Variants in SLC28A3 observed in about 807,000 individuals in gnomAD.
The protein encoded by SLC28A3 is solute carrier family 28 member 3, also known as concentrative Na(+)-nucleoside cotransporter 3.
Under a neutral mutation model 84.2 loss-of-function variants are expected in SLC28A3, and 68 were observed. The ratio of observed to expected loss-of-function variants is 0.81; its 90% CI spans 0.66 to 0.99. The LOEUF (loss-of-function observed/expected upper bound fraction) is 0.99. Ranked by LOEUF, SLC28A3 falls within the 50% of genes least tolerant of loss-of-function variation. The probability of loss-of-function intolerance (pLI) is 0.00; values close to 1 mark genes in which losing one functional copy is unlikely to be tolerated. For missense variants in SLC28A3, 712 were observed against 841.5 expected (o/e 0.85, Z 1.90); for synonymous variants, 267 against 303.6 (o/e 0.88, Z 1.25).
chr9:84,328,406 G>C (rs182544633), intron 1 of SLC28A3, among the ~76,000 whole-genome samples: 83 of 151,868 alleles, frequency 5.5e-4, no homozygotes, highest in African/African-American at 2.0e-3. Flanking sequence ...GGAGACCACA[G>C]TGGGCAAATT....
At chr9:84,357,773 C>A in the SLC28A3 span, among the ~76,000 whole-genome samples, 1 of 152,170 alleles carries the variant, frequency 6.6e-6, no homozygotes, top group Non-Finnish European at 1.5e-5. Flanking sequence ...GAACACCGAG[C>A]TGTGGGTCAC....
At position 84,285,535 on chromosome 9, in the gene SLC28A3, C is replaced by A; in HGVS notation, c.1457G>T (p.Cys486Phe). 1 of 1,614,120 alleles carries A rather than the reference C, an allele frequency of 6.2e-7. No individual in the cohort carries two copies. Among genetic ancestry groups the A allele is most frequent in the Non-Finnish European group, 8.5e-7 (1 of 1,179,996 alleles). Residue 486 changes from cysteine to phenylalanine, a missense_variant, in exon 14 of 18, where the codon TGC (cysteine) becomes TTC (phenylalanine). Cys to Phe is a radical substitution (Grantham distance 205). Coordinates refer to ENST00000376238, the MANE Select transcript of SLC28A3 (RefSeq NM_001199633.2). ...DYPQLSFELI[C>F]SYIFMPFSFM... ...GGAAAAGGGCATGAAGATGTAGGAG[C>A]AGATTAGCTACAGAAACCAAAAGTA...
intron 1 of SLC28A3, among the ~76,000 whole-genome samples, chr9:84,317,589 G>A (rs1481056087): frequency 6.6e-6 from 1 of 152,100 alleles, no homozygotes; most frequent in Non-Finnish European, 1.5e-5. Flanking sequence ...CTTGTGGTGG[G>A]GGTTTTTCTG....
intron 14 of SLC28A3, among the ~76,000 whole-genome samples, chr9:84,283,761 G>C (rs1167872272): frequency 6.6e-6 from 1 of 152,240 alleles, no homozygotes; most frequent in Non-Finnish European, 1.5e-5. Flanking sequence ...GCATAATTCA[G>C]TGGATATCAC....
intron 9 of SLC28A3, among the ~76,000 whole-genome samples, chr9:84,293,283 T>C (rs1397162957): frequency 2.6e-5 from 4 of 152,246 alleles, no homozygotes; most frequent in Admixed American, 6.5e-5. Flanking sequence ...GGTTCCACTT[T>C]TGTACTGGCC....
chr9:84,279,644 G>C (rs1484721026), intron 16 of SLC28A3, among the ~76,000 whole-genome samples: 1 of 152,158 alleles, frequency 6.6e-6, no homozygotes, highest in Non-Finnish European at 1.5e-5. Flanking sequence ...ACGTTGGTCA[G>C]GCTGGTCTCA....
intron 15 of SLC28A3, 46 bp from the exon 16 acceptor site, chr9:84,280,119 G>C: frequency 6.4e-7 from 1 of 1,564,254 alleles, no homozygotes; most frequent in Non-Finnish European, 8.7e-7. Flanking sequence ...TTGAAGTACT[G>C]ATTAAAACTC....
chr9:84,355,652 G>T, the SLC28A3 span, among the ~76,000 whole-genome samples: 10 of 152,042 alleles, frequency 6.6e-5, no homozygotes, highest in African/African-American at 2.4e-4. Flanking sequence ...TCTAGATTGG[G>T]AACTTGAGCA....
chr9:84,331,281 G>A (rs973522459), intron 1 of SLC28A3, among the ~76,000 whole-genome samples: 3 of 152,132 alleles, frequency 2.0e-5, no homozygotes, highest in African/African-American at 7.2e-5. Context: ...CCAGCCGAGC[G>A]CCTCTTGAGC....
chr9:84,280,119 G>A (rs1824686943), intron 15 of SLC28A3, 46 bp from the exon 16 acceptor site: 1 of 1,564,150 alleles, frequency 6.4e-7, no homozygotes, highest in African/African-American at 1.4e-5. Flanking sequence ...TTGAAGTACT[G>A]ATTAAAACTC....
the SLC28A3 span, among the ~76,000 whole-genome samples, chr9:84,361,069 G>A: frequency 1.2e-3 from 190 of 152,228 alleles, no homozygotes; most frequent in Non-Finnish European, 2.4e-3. Context: ...ATGCAGGCCG[G>A]GTGCGGTGGC....
upstream of SLC28A3, among the ~76,000 whole-genome samples, chr9:84,344,872 A>C (rs1588634885): frequency 6.6e-6 from 1 of 152,124 alleles, no homozygotes; most frequent in East Asian, 1.9e-4. Flanking sequence ...TATTTGATTG[A>C]TGTCCCATGC....
intron 1 of SLC28A3, among the ~76,000 whole-genome samples, chr9:84,333,671 A>G (rs773213086): frequency 4.6e-5 from 7 of 152,222 alleles, no homozygotes; most frequent in Non-Finnish European, 7.3e-5. Context: ...ATGATGAGAA[A>G]TGGGAATACT....
At chr9:84,320,727 C>T (rs150976514) in intron 1 of SLC28A3, among the ~76,000 whole-genome samples, 6 of 152,214 alleles carry the variant, frequency 3.9e-5, no homozygotes, top group African/African-American at 1.4e-4. Context: ...CAGTGGCTCA[C>T]ACCTGTAATC....
At position 84,340,620 on chromosome 9, in the gene SLC28A3, C is replaced by T. The variant is rs11568403; in HGVS notation, c.14G>A (p.Ser5Asn). ...GCCCTCAGCTCTGGGGGCTGCTGTA[C>T]TCCTCAGCTCCATGCTCTTTTTGCT... MELRSTAAPRAEGYS... is the reference protein window; with the variant it reads MELRNTAAPRAEGYS... Residue 5 changes from serine (S) to asparagine (N), a missense_variant, in exon 1 of 18, where the codon AGT becomes AAT. By Grantham distance (46) the Ser-to-Asn change is conservative. Transcript: ENST00000376238. 3.6e-3 allele frequency: 5,886 copies of T among 1,614,160 alleles called. 141 individuals are homozygous for T. In the African/African-American group the frequency reaches 0.051, roughly 14 times the overall value.
At chr9:84,324,121 GTC>G (rs2118528450) in intron 1 of SLC28A3, among the ~76,000 whole-genome samples, 1 of 152,278 alleles carries the variant, frequency 6.6e-6, no homozygotes, top group South Asian at 2.1e-4. Flanking sequence ...GGGCACCTTT[GTC>G]TCTCTATCCT....
At chr9:84,351,010 T>C in the SLC28A3 span, among the ~76,000 whole-genome samples, 1 of 152,196 alleles carries the variant, frequency 6.6e-6, no homozygotes, top group South Asian at 2.1e-4. Flanking sequence ...CCCAGTCAAC[T>C]TTTTTACCTT....
chr9:84,333,224 A>G (rs1339389745), intron 1 of SLC28A3, among the ~76,000 whole-genome samples: 2 of 152,208 alleles, frequency 1.3e-5, no homozygotes, highest in African/African-American at 4.8e-5. Context: ...ATGCATTTGT[A>G]TCTGGGGTGA....
chr9:84,368,485 C>T, the SLC28A3 span, among the ~76,000 whole-genome samples: 8 of 152,218 alleles, frequency 5.3e-5, no homozygotes, highest in East Asian at 5.8e-4. Flanking sequence ...AGGTCCCAAG[C>T]GCTCTTCATT....
Sources: gnomAD v4.1 joint callset for allele counts (sites outside exome capture counted in the v4.1 genomes callset) on GRCh38, gnomAD v4.1.1 for gene constraint, MANE v1.5 for transcripts, NCBI Gene and HGNC (gene_info 2026-07-23, HGNC 2026-07-21) for gene names.